The following ROR1 variants were observed in gnomAD, a reference collection of about 807,000 sequenced individuals.
ROR1 encodes ROR family WNT receptor 1.
ROR1 carries 19 observed loss-of-function variants against 78.8 expected under a neutral mutation model. The observed-to-expected ratio is 0.24, with a 90% CI of 0.17 to 0.35. The LOEUF (loss-of-function observed/expected upper bound fraction) is 0.35, where lower values mean the gene tolerates loss of function less well. ROR1 is among the 10% of genes least tolerant of loss of function. The probability of loss-of-function intolerance (pLI) is 1.00; values close to 1 mark genes in which losing one functional copy is unlikely to be tolerated. For missense variants in ROR1, 917 were observed against 1,177.8 expected, an observed-to-expected ratio of 0.78 and a Z score of 3.24; for synonymous variants, 386 against 433.6, an observed-to-expected ratio of 0.89 and a Z score of 1.36.
intron 2 of ROR1, among the ~76,000 whole-genome samples, chr1:64,042,359 T>C (rs1286803631): frequency 6.6e-6 from 1 of 152,160 alleles, no homozygotes; most frequent in Non-Finnish European, 1.5e-5. Context: ...GTAGGTATCA[T>C]TATTAGCCCA....
intron 4 of ROR1, among the ~76,000 whole-genome samples, chr1:64,089,245 T>C (rs1647176683): frequency 6.6e-6 from 1 of 152,020 alleles, no homozygotes; most frequent in South Asian, 2.1e-4. Flanking sequence ...GGTCTCACTC[T>C]GTGTCTCAGG....
chr1:63,811,567 CT>C (rs1163411903), intron 1 of ROR1, among the ~76,000 whole-genome samples: 6 of 152,058 alleles, frequency 3.9e-5, no homozygotes, highest in Admixed American at 3.3e-4. Context: ...CTCACTCCAT[CT>C]TTTTTTTCCC....
chr1:64,020,428 G>C (rs927007370), intron 2 of ROR1, among the ~76,000 whole-genome samples: 8 of 152,174 alleles, frequency 5.3e-5, no homozygotes, highest in African/African-American at 1.9e-4. Flanking sequence ...AATGAAAAAG[G>C]CAGAAACATT....
chr1:63,934,284 C>T (rs935995806), intron 1 of ROR1, among the ~76,000 whole-genome samples: 3 of 152,108 alleles, frequency 2.0e-5, no homozygotes, highest in Non-Finnish European at 2.9e-5. Flanking sequence ...CTGGTTTGAA[C>T]CGAGCCATAC....
intron 1 of ROR1, among the ~76,000 whole-genome samples, chr1:63,881,315 T>C (rs1257739297): frequency 6.6e-6 from 1 of 152,216 alleles, no homozygotes; most frequent in Non-Finnish European, 1.5e-5. Context: ...GATAAAACTT[T>C]GGCAGATCCA....
intron 1 of ROR1, among the ~76,000 whole-genome samples, chr1:63,943,560 G>A (rs1645858450): frequency 6.6e-6 from 1 of 152,148 alleles, no homozygotes; most frequent in Non-Finnish European, 1.5e-5. Context: ...AGGGAAAAAA[G>A]CTCATCTGGT....
chr1:64,002,873 C>T (rs1669154), intron 1 of ROR1, among the ~76,000 whole-genome samples: 99,617 of 151,704 alleles, frequency 0.66, 37,285 homozygotes, highest in East Asian at 0.94. Context: ...TAGAGTTCCA[C>T]AGGGGACCTC....
At chr1:64,037,521 A>G (rs1333432109) in intron 2 of ROR1, among the ~76,000 whole-genome samples, 1 of 152,054 alleles carries the variant, frequency 6.6e-6, no homozygotes, top group Non-Finnish European at 1.5e-5. Context: ...TTATCATGCA[A>G]TTCTTGTGTG....
chr1:63,980,076 G>T (rs987107718), intron 1 of ROR1, among the ~76,000 whole-genome samples: 1 of 152,044 alleles, frequency 6.6e-6, no homozygotes. Flanking sequence ...GAACAGAGGA[G>T]AGTGATTAAG....
intron 2 of ROR1, among the ~76,000 whole-genome samples, chr1:64,016,671 A>C (rs924531034): frequency 6.7e-6 from 1 of 149,962 alleles, no homozygotes; most frequent in Non-Finnish European, 1.5e-5. Flanking sequence ...ATGTTTCTAA[A>C]CACTGATTTT....
At chr1:64,157,821 C>T (rs150605458) in intron 7 of ROR1, among the ~76,000 whole-genome samples, 116 of 152,294 alleles carry the variant, frequency 7.6e-4, no homozygotes, top group African/African-American at 2.7e-3. Context: ...CCAGTACCTA[C>T]AATAGTGCCT....
intron 4 of ROR1, among the ~76,000 whole-genome samples, chr1:64,075,136 C>T (rs1478123624): frequency 2.0e-5 from 3 of 152,138 alleles, no homozygotes; most frequent in Admixed American, 6.5e-5. Context: ...GCTTATCAGA[C>T]ATTTACTGTC....
chr1:63,805,099 C>T (rs1644820641), intron 1 of ROR1, among the ~76,000 whole-genome samples: 1 of 152,174 alleles, frequency 6.6e-6, no homozygotes. Context: ...AGATTCTGCT[C>T]CCCTGTAAGA....
rs112112532 is a variant in ROR1, at chr1:64,165,375, C to A, written c.1386+6183C>A. 5.3e-3 allele frequency among the ~76,000 whole-genome samples: 808 copies of A among 152,122 alleles called. 9 individuals are homozygous for A. Among genetic ancestry groups the A allele is most frequent in the African/African-American group, 0.017 (715 of 41,498 alleles). On this transcript the variant is annotated intron_variant, in intron 8 of 8. Coordinates refer to ENST00000371079, the MANE Select transcript of ROR1 (RefSeq NM_005012.4). Reference sequence around the variant, plus strand: ...AGCTTTTTTTCATATGTTTGTTGGCCACACGTATGTCTTCTTTTGAAAAGT... The same window carrying A: ...AGCTTTTTTTCATATGTTTGTTGGCAACACGTATGTCTTCTTTTGAAAAGT...
At chr1:64,073,223 G>A (rs557329894) in intron 4 of ROR1, among the ~76,000 whole-genome samples, 10 of 152,168 alleles carry the variant, frequency 6.6e-5, no homozygotes, top group Non-Finnish European at 1.5e-4. Context: ...CTAAGAGAGT[G>A]GAAGGTCAGT....
intron 1 of ROR1, among the ~76,000 whole-genome samples, chr1:63,944,371 C>T (rs748026345): frequency 2.6e-5 from 4 of 152,128 alleles, no homozygotes; most frequent in African/African-American, 4.8e-5. Context: ...ATTTAGGGTG[C>T]GGAAAGAGAT....
intron 1 of ROR1, among the ~76,000 whole-genome samples, chr1:64,008,810 T>C (rs576543979): frequency 5.7e-4 from 86 of 152,180 alleles, no homozygotes; most frequent in African/African-American, 2.0e-3. Flanking sequence ...AATTTTTGTA[T>C]TTTTAGTAGA....
intron 1 of ROR1, among the ~76,000 whole-genome samples, chr1:63,819,850 C>T (rs1644913746): frequency 1.3e-5 from 2 of 152,114 alleles, no homozygotes; most frequent in Non-Finnish European, 2.9e-5. Context: ...ATGTAAATCT[C>T]CTAACAGTAG....
chr1:63,975,924 G>A (rs556276150), intron 1 of ROR1, among the ~76,000 whole-genome samples: 119 of 152,294 alleles, frequency 7.8e-4, no homozygotes, highest in Non-Finnish European at 1.5e-3. Context: ...AGTAAATCAC[G>A]ACTTTCGTGG....
Sources: gnomAD v4.1 joint callset for allele counts (sites outside exome capture counted in the v4.1 genomes callset) on GRCh38, gnomAD v4.1.1 for gene constraint, MANE v1.5 for transcripts, NCBI Gene and HGNC (gene_info 2026-07-23, HGNC 2026-07-21) for gene names.